The following MTERF3 variants were observed in gnomAD, a reference collection of about 807,000 sequenced individuals.
MTERF3 encodes transcription termination factor 3, mitochondrial.
In MTERF3, 40 loss-of-function variants were observed where a neutral mutation model predicts 40.5. The ratio of observed to expected loss-of-function variants is 0.99; its 90% confidence interval spans 0.77 to 1.29. The LOEUF (loss-of-function observed/expected upper bound fraction) is 1.29. Ranked by LOEUF, MTERF3 falls within the 50% of genes most tolerant of loss-of-function variation. MTERF3 has a pLI of 0.00. For synonymous variants in MTERF3, 158 were observed against 166.6 expected (o/e 0.95, Z 0.40); for missense variants, 452 against 478.2 (o/e 0.95, Z 0.51).
chr8:96,240,886 G>A (rs1420778108), intron 7 of MTERF3, among the ~76,000 whole-genome samples: 1 of 152,086 alleles, frequency 6.6e-6, no homozygotes, highest in Non-Finnish European at 1.5e-5. Context: ...AGCAATTGTT[G>A]AAAACCAAAG....
chr8:96,249,111 T>C (rs1214724683), intron 4 of MTERF3, among the ~76,000 whole-genome samples: 1 of 152,218 alleles, frequency 6.6e-6, no homozygotes, highest in East Asian at 1.9e-4. Context: ...CTTAAGCTAT[T>C]AAGTTTCCTT....
chr8:96,251,037 C>T lies in MTERF3; in HGVS notation c.546G>A (p.Leu182=). 6.2e-7 allele frequency: 1 copy of T among 1,603,826 alleles called. No homozygotes were observed. Among genetic ancestry groups the T allele is most frequent in the Non-Finnish European group, 8.5e-7 (1 of 1,177,342 alleles). The change falls in exon 4 of 8, where the codon CTG becomes CTA. Residue 182 remains leucine (L), a synonymous_variant. Coordinates refer to ENST00000287025, the MANE Select transcript of MTERF3 (RefSeq NM_015942.5). ...HPEAANLLLR[L]DFEKDIKQML... ...TTTGCTTAATGTCTTTTTCAAAATC[C>T]AGTCTCAGAAGGAGGTTTGCTGCTT...
chr8:96,240,660 G>C (rs1192606082), intron 7 of MTERF3, among the ~76,000 whole-genome samples: 5 of 152,154 alleles, frequency 3.3e-5, no homozygotes, highest in African/African-American at 1.2e-4. Context: ...GGGAGATCCG[G>C]CCAGACTTGA....
chr8:96,244,032 T>A lies in MTERF3; in HGVS notation c.946A>T (p.Ile316Phe). The A allele has an allele frequency of 6.2e-7, 1 of 1,613,848 alleles. No homozygotes were observed. Among genetic ancestry groups the A allele is most frequent in the Non-Finnish European group, 8.5e-7 (1 of 1,179,732 alleles). Reference sequence around the variant, plus strand: ...GTTAACATCTTTGGGATTCTGGTGATCATATGTTGAATTTCGTTATGTTTA... The same window carrying A: ...GTTAACATCTTTGGGATTCTGGTGAACATATGTTGAATTTCGTTATGTTTA... ...GFKHNEIQHMITRIPKMLTAN... is the reference protein window; with the variant it reads ...GFKHNEIQHMFTRIPKMLTAN... The change falls in exon 7 of 8, where the codon ATC (isoleucine) becomes TTC (phenylalanine). Residue 316 changes from isoleucine to phenylalanine, a missense_variant. By Grantham distance (21) the Ile-to-Phe change is conservative (BLOSUM62 0). Transcript: ENST00000287025.
chr8:96,247,767 C>T (rs993948848), intron 4 of MTERF3, among the ~76,000 whole-genome samples: 9 of 151,804 alleles, frequency 5.9e-5, no homozygotes, highest in Non-Finnish European at 1.2e-4. Context: ...CAAAACAAAA[C>T]AAAACAAAAA....
chr8:96,261,510 G>T lies in MTERF3; in HGVS notation c.-20C>A, dbSNP rs1810388000. ...GCAGCTCCTGCTTTACCTGTGGCGAGGCCTGCTTCCCGTAGCGGGTGACCC... is the reference window on the plus strand; with the variant it reads ...GCAGCTCCTGCTTTACCTGTGGCGATGCCTGCTTCCCGTAGCGGGTGACCC... On this transcript the variant is annotated 5_prime_UTR_variant, in exon 1 of 8. Transcript: ENST00000287025. The T allele has an allele frequency of 6.6e-6, 1 of 152,632 alleles. No individual in the cohort carries two copies. Among genetic ancestry groups the T allele is most frequent in the South Asian group, 2.0e-4 (1 of 4,970 alleles). The allele number at this position is 152,632 out of a possible 1,614,324, so 9.5% of individuals were successfully genotyped here.
chr8:96,239,584 CA>C lies in MTERF3; in HGVS notation c.1160del (p.Leu387TrpfsTer4). ...CATCAGGAATAGATACTAGTTTGTC[CA>C]AAGAGATGTAGTTAGGTTTTGCTGG... ...YDPAKPNYIS[L>X]DKLVSIPDEI... On this transcript the variant is annotated frameshift_variant, in exon 8 of 8. Transcript: ENST00000287025. LOFTEE classifies it high-confidence loss of function. 1 of 1,612,792 alleles carries C rather than the reference CA, an allele frequency of 6.2e-7. No homozygotes were observed. The highest frequency in any genetic ancestry group is 1.1e-5 in the South Asian group (1 of 90,928).
In MTERF3 at chr8:96,250,674, GAAGA is replaced by G. The variant is rs1563549038; in HGVS notation, c.677+228_677+231del. On this transcript the variant is annotated intron_variant, in intron 4 of 7. Coordinates refer to ENST00000287025, the MANE Select transcript of MTERF3 (RefSeq NM_015942.5). The stretch of plus-strand genomic sequence containing the variant: ...AGAAGAAGAAGAAGAAGAAGAAGAA[GAAGA>G]AGAAGGAGGAGGAGGAGGGGGGGAG... Among the ~76,000 whole-genome samples the G allele has an allele frequency of 5.3e-4, 25 of 47,128 alleles. 1 individual carries two copies. The highest frequency in any genetic ancestry group is 2.3e-3 in the African/African-American group (23 of 9,818). The allele number at this position is 47,128 out of a possible 152,430, so 30.9% of individuals were successfully genotyped here. A position where few individuals can be genotyped will look rare whatever the true frequency, so the allele number is the denominator to read the frequency against.
Position 96,240,811 on chromosome 8 carries a change from C to T in MTERF3, c.1060-1126G>A, listed in dbSNP as rs550066474. On this transcript the variant is annotated intron_variant, in intron 7 of 7. Coordinates refer to ENST00000287025, the MANE Select transcript of MTERF3 (RefSeq NM_015942.5). Reference sequence around the variant, plus strand: ...AACACGGGATGCGTTCACATAACCCCTAGGCCTCTTTCCCTATATTCAAGT... The same window carrying T: ...AACACGGGATGCGTTCACATAACCCTTAGGCCTCTTTCCCTATATTCAAGT... 3.9e-5 allele frequency among the ~76,000 whole-genome samples: 6 copies of T among 152,022 alleles called. No individual in the cohort carries two copies. In the South Asian group the frequency reaches 8.3e-4, roughly 21 times the overall value.
At position 96,239,644 on chromosome 8, in the gene MTERF3, C is replaced by A. The variant is rs745903071; in HGVS notation, c.1101G>T (p.Leu367Phe). 1 of 1,602,816 alleles carries A rather than the reference C, an allele frequency of 6.2e-7. No homozygotes were observed. The highest frequency in any genetic ancestry group is 8.5e-7 in the Non-Finnish European group (1 of 1,177,498). ...GTGCTCTTCCTAAATAGGTAAGAAA[C>A]AAGTGTCTTTCTTTGACCTTAAACA... The part of the protein sequence containing the change: ...TRLFKVKERH[L>F]FLTYLGRAQY... The change falls in exon 8 of 8, where the codon TTG (leucine) becomes TTT (phenylalanine). Residue 367 changes from leucine (L) to phenylalanine (F), a missense_variant. Coordinates refer to ENST00000287025, the MANE Select transcript of MTERF3 (RefSeq NM_015942.5).
intron 4 of MTERF3, among the ~76,000 whole-genome samples, chr8:96,249,606 G>A (rs1810086520): frequency 6.6e-6 from 1 of 152,114 alleles, no homozygotes; most frequent in Non-Finnish European, 1.5e-5. Context: ...CTAATTCCGA[G>A]AAAAGACATT....
chr8:96,254,497 T>A (rs1014233155), intron 3 of MTERF3, among the ~76,000 whole-genome samples: 2 of 152,160 alleles, frequency 1.3e-5, no homozygotes, highest in African/African-American at 4.8e-5. Flanking sequence ...ATAAGTGAGA[T>A]CACGTAGCAT....
At position 96,246,317 on chromosome 8, in the gene MTERF3, C is replaced by T; in HGVS notation, c.815G>A (p.Ser272Asn). Residue 272 changes from serine to asparagine, a missense_variant, in exon 5 of 8, where the codon AGT (serine) becomes AAT (asparagine). Coordinates refer to ENST00000287025, the MANE Select transcript of MTERF3 (RefSeq NM_015942.5). ...LGFFQKELEL[S>N]VKKTRDLVVR... ...TCTCCTTTTCTTTACCTTCTTCACA[C>T]TAAGTTCAAGTTCTTTCTGAAAAAA... 1 of 1,598,880 alleles carries T rather than the reference C, an allele frequency of 6.3e-7. No individual in the cohort carries two copies. The highest frequency in any genetic ancestry group is 8.5e-7 in the Non-Finnish European group (1 of 1,176,604).
chr8:96,258,818 G>T, intron 1 of MTERF3, 118 bp from the exon 2 acceptor site: 2 of 756,368 alleles, frequency 2.6e-6, no homozygotes, highest in Non-Finnish European at 4.1e-6. Context: ...ATTGAAAGGT[G>T]TTTAAATATA....
chr8:96,239,745 A>G, intron 7 of MTERF3, 60 bp from the exon 8 acceptor site: 1 of 1,405,530 alleles, frequency 7.1e-7, no homozygotes, highest in Non-Finnish European at 9.7e-7. Flanking sequence ...AATATTAAAA[A>G]GTTTACTTGG....
At chr8:96,250,876 G>T (rs752390913) in intron 4 of MTERF3, 30 bp downstream of exon 4, 9 of 1,573,222 alleles carry the variant, frequency 5.7e-6, no homozygotes, top group Non-Finnish European at 7.8e-6. Flanking sequence ...CACTTCTTAG[G>T]TTATATGAGA....
intron 4 of MTERF3, among the ~76,000 whole-genome samples, chr8:96,250,575 G>A (rs890226910): frequency 7.1e-6 from 1 of 141,304 alleles, no homozygotes; most frequent in South Asian, 2.4e-4. Context: ...GCCAGGCATG[G>A]TGGCCACCTG....
chr8:96,240,513 G>A (rs1014080676), intron 7 of MTERF3, among the ~76,000 whole-genome samples: 2 of 152,142 alleles, frequency 1.3e-5, no homozygotes, highest in African/African-American at 2.4e-5. Context: ...TCTGACCTCT[G>A]GGAGAGCAAC....
chr8:96,259,525 T>C (rs1180502875), intron 1 of MTERF3, among the ~76,000 whole-genome samples: 1 of 152,250 alleles, frequency 6.6e-6, no homozygotes, highest in Non-Finnish European at 1.5e-5. Flanking sequence ...AGTGCTATGT[T>C]AAACTCCAGG....
Sources: allele counts gnomAD v4.1 joint callset (sites outside exome capture counted in the v4.1 genomes callset), GRCh38; gene constraint gnomAD v4.1.1; transcripts MANE v1.5; gene names NCBI Gene and HGNC (gene_info 2026-07-23, HGNC 2026-07-21).